Variants in EPB41L1 observed in about 807,000 individuals in gnomAD.
EPB41L1 encodes the protein erythrocyte membrane protein band 4.1 like 1.
A neutral mutation model predicts 97.8 loss-of-function variants in EPB41L1; 29 were observed. The ratio of observed to expected loss-of-function variants is 0.30; its 90% CI spans 0.22 to 0.40. The LOEUF (loss-of-function observed/expected upper bound fraction) is 0.40. EPB41L1 is among the 10% of genes least tolerant of loss of function. The pLI is 1.00. For missense variants in EPB41L1, 812 were observed against 1,162.3 expected (o/e 0.70, Z 4.38); for synonymous variants, 383 against 459.2 (o/e 0.83, Z 2.12).
chr20:36,208,114 C>T (rs557681020), intron 14 of EPB41L1, among the ~76,000 whole-genome samples: 71 of 152,302 alleles, frequency 4.7e-4, no homozygotes, highest in African/African-American at 1.5e-3. Context: ...CGCTCATACC[C>T]GCTGGGTTCC....
intron 17 of EPB41L1, among the ~76,000 whole-genome samples, chr20:36,215,199 A>G (rs1049576616): frequency 1.3e-5 from 2 of 152,002 alleles, no homozygotes; most frequent in Non-Finnish European, 2.9e-5. Context: ...CAACCTTTAT[A>G]GATGAGGTAA....
intron 3 of EPB41L1, among the ~76,000 whole-genome samples, chr20:36,176,491 T>A (rs960754228): frequency 1.3e-5 from 2 of 152,232 alleles, no homozygotes; most frequent in Admixed American, 1.3e-4. Context: ...CTGAGATATA[T>A]AGGAGCTGCC....
In EPB41L1 at chr20:36,209,515, G is replaced by A; in HGVS notation, c.1696G>A (p.Glu566Lys). The change falls in exon 15 of 22, where the codon GAG becomes AAG. Residue 566 changes from glutamate to lysine, a missense_variant. By Grantham distance (56) the Glu-to-Lys change is moderately conservative. Around this residue, in one of 3 missense-constraint regions of EPB41L1, gnomAD observed 498 missense variants for 622.7 expected, o/e 0.80. Coordinates refer to ENST00000338074, the MANE Select transcript of EPB41L1 (RefSeq NM_012156.2). The surrounding 1 kb of genome is among the most constrained non-coding windows in gnomAD (Gnocchi z 4.2). The part of the protein sequence containing the change: ...ERAGLREGSE[E>K]KVKPPRPRAP... ...AGCAGGGCTGAGGGAGGGCTCCGAGGAGAAAGTCAAACCACCACGTCCCCG... is the reference window on the plus strand; with the variant it reads ...AGCAGGGCTGAGGGAGGGCTCCGAGAAGAAAGTCAAACCACCACGTCCCCG... 6.2e-7 allele frequency: 1 copy of A among 1,613,998 alleles called. No individual in the cohort carries two copies. The highest frequency in any genetic ancestry group is 8.5e-7 in the Non-Finnish European group (1 of 1,180,002).
chr20:36,155,235 G>A, intron 1 of EPB41L1: 3 of 453,146 alleles, frequency 6.6e-6, no homozygotes, highest in South Asian at 4.7e-5. Flanking sequence ...GGGCTCTTTG[G>A]ATTTCTGCTG....
At chr20:36,120,374 G>A (rs1238910925) in intron 2 of EPB41L1, among the ~76,000 whole-genome samples, 1 of 152,222 alleles carries the variant, frequency 6.6e-6, no homozygotes, top group Non-Finnish European at 1.5e-5. Flanking sequence ...AGGAGGAAAA[G>A]GGCAGTCAGT....
At chr20:36,186,842 G>C (rs916287523) in intron 7 of EPB41L1, among the ~76,000 whole-genome samples, 1 of 152,168 alleles carries the variant, frequency 6.6e-6, no homozygotes, top group African/African-American at 2.4e-5. Flanking sequence ...GCAGCCCAGA[G>C]GTAGACAGGT....
chr20:36,124,950 T>C (rs987504347), intron 2 of EPB41L1, among the ~76,000 whole-genome samples: 9 of 152,068 alleles, frequency 5.9e-5, no homozygotes, highest in Admixed American at 3.3e-4. Context: ...AGCGGGTAAT[T>C]AAGATTGGAA....
chr20:36,139,086 G>A (rs1016444713), intron 2 of EPB41L1, among the ~76,000 whole-genome samples: 1 of 152,212 alleles, frequency 6.6e-6, no homozygotes, highest in Non-Finnish European at 1.5e-5. Flanking sequence ...AGCCTCTTGT[G>A]GTGATTGCCT....
chr20:36,213,419 A>T (rs2063254689), intron 16 of EPB41L1, among the ~76,000 whole-genome samples: 1 of 152,230 alleles, frequency 6.6e-6, no homozygotes. Context: ...AGAAAACTGA[A>T]ATAAGACATA....
upstream of EPB41L1, among the ~76,000 whole-genome samples, chr20:36,153,914 A>T (rs2060161850): frequency 6.6e-6 from 1 of 152,052 alleles, no homozygotes; most frequent in Non-Finnish European, 1.5e-5. Flanking sequence ...TTGAGCCATG[A>T]TCTCTGCCAC....
At chr20:36,105,033 G>A (rs1054628075) in intron 1 of EPB41L1, among the ~76,000 whole-genome samples, 3 of 152,176 alleles carry the variant, frequency 2.0e-5, no homozygotes, top group Non-Finnish European at 2.9e-5. Context: ...GGCCGGAGCC[G>A]TCATCATTCC....
At position 36,187,767 on chromosome 20, in the gene EPB41L1, C is replaced by T. The variant is rs1200787814; in HGVS notation, c.873+4C>T. On this transcript the variant is annotated splice_donor_region_variant and intron_variant, in intron 8 of 21. Coordinates refer to ENST00000338074, the MANE Select transcript of EPB41L1 (RefSeq NM_012156.2). ...AGTAGACCTGCACCATGCCAAGGTA[C>T]CACCAGCTTCCTGGGTTCCCCTAGT... 7 of 1,613,182 alleles carry T rather than the reference C, an allele frequency of 4.3e-6. No homozygotes were observed. Among genetic ancestry groups the T allele is most frequent in the Middle Eastern group, 1.6e-4 (1 of 6,062 alleles).
At chr20:36,211,071 T>C (rs2063102852) in intron 15 of EPB41L1, among the ~76,000 whole-genome samples, 1 of 151,932 alleles carries the variant, frequency 6.6e-6, no homozygotes, top group Non-Finnish European at 1.5e-5. Flanking sequence ...AGACCTTGTC[T>C]CTTAAAAACA....
intron 2 of EPB41L1, among the ~76,000 whole-genome samples, chr20:36,133,620 G>A (rs188434343): frequency 1.2e-3 from 188 of 152,270 alleles, no homozygotes; most frequent in African/African-American, 3.3e-3. Flanking sequence ...ACTTTGGGAG[G>A]CCGATGCAGG....
chr20:36,194,648 A>C, intron 12 of EPB41L1, among the ~76,000 whole-genome samples: 1 of 151,588 alleles, frequency 6.6e-6, no homozygotes, highest in African/African-American at 2.4e-5. Context: ...CCTTTTGCAC[A>C]CTCTTAATTT....
chr20:36,218,851 C>A (rs888570910), intron 17 of EPB41L1, 25 bp from the exon 18 acceptor site: 2 of 1,611,942 alleles, frequency 1.2e-6, no homozygotes, highest in Non-Finnish European at 1.7e-6. Flanking sequence ...GAGAGCTGGC[C>A]ATCTGAGCAC....
At chr20:36,136,338 G>GTTT (rs60257818) in intron 2 of EPB41L1, among the ~76,000 whole-genome samples, 12 of 113,936 alleles carry the variant, frequency 1.1e-4, no homozygotes, top group East Asian at 5.4e-4. Flanking sequence ...GCCCGGCTAA[G>GTTT]TTTTTTTTTT....
chr20:36,145,153 G>T (rs934281220), intron 2 of EPB41L1, among the ~76,000 whole-genome samples: 4 of 152,076 alleles, frequency 2.6e-5, no homozygotes. Context: ...CCCAGATAAG[G>T]CTGGGTGCGG....
At chr20:36,162,726 A>G (rs1453012646) in intron 1 of EPB41L1, among the ~76,000 whole-genome samples, 3 of 152,190 alleles carry the variant, frequency 2.0e-5, no homozygotes, top group African/African-American at 7.2e-5. Context: ...CCACCACTGC[A>G]CATCAGCCTG....
Sources: gnomAD v4.1 joint callset for allele counts (sites outside exome capture counted in the v4.1 genomes callset) on GRCh38, gnomAD v4.1.1 for gene constraint, gnomAD v4.1.1 regional missense constraint, Gnocchi (gnomAD v3.1) non-coding constraint, MANE v1.5 for transcripts, NCBI Gene and HGNC (gene_info 2026-07-23, HGNC 2026-07-21) for gene names.